OSTN: variants seen among roughly 807,000 people sequenced by gnomAD.
OSTN encodes the protein osteocrin.
A neutral mutation model predicts 12.0 loss-of-function variants in OSTN; 9 were observed. That is an observed-to-expected ratio of 0.75 (90% confidence interval 0.45 to 1.30). OSTN has a LOEUF of 1.30. Among genes scored for constraint, OSTN ranks in the 50% most tolerant of loss-of-function variants. The pLI, the probability that OSTN is intolerant of heterozygous loss-of-function variation, is 0.00. For missense variants in OSTN, 148 were observed against 152.3 expected, an observed-to-expected ratio of 0.97 and a Z score of 0.15; for synonymous variants, 59 against 56.9, an observed-to-expected ratio of 1.04 and a Z score of -0.16.
chr3:191,246,614 A>AAAAAAAG (rs1553822118), intron 3 of OSTN, among the ~76,000 whole-genome samples: 23 of 151,430 alleles, frequency 1.5e-4, no homozygotes, highest in Non-Finnish European at 1.3e-4. Context: ...CAAAAAAAAA[A>AAAAAAAG]AAAGAAAGAA....
At chr3:191,253,431 A>C (rs1254274645) in intron 4 of OSTN, among the ~76,000 whole-genome samples, 2 of 152,216 alleles carry the variant, frequency 1.3e-5, no homozygotes, top group African/African-American at 4.8e-5. Flanking sequence ...TACATACGAG[A>C]AAAGTCACAC....
At chr3:191,243,091 TAAAACCAC>T (rs1715357107) in intron 3 of OSTN, among the ~76,000 whole-genome samples, 1 of 152,042 alleles carries the variant, frequency 6.6e-6, no homozygotes, top group African/African-American at 2.4e-5. Context: ...GAAAGTAAAT[TAAAACCAC>T]AGTGGGATAT....
At chr3:191,225,133 C>T (rs1714876519) in intron 3 of OSTN, among the ~76,000 whole-genome samples, 1 of 151,906 alleles carries the variant, frequency 6.6e-6, no homozygotes. Context: ...GAAATGACAA[C>T]ATGGAAATAG....
intron 4 of OSTN, among the ~76,000 whole-genome samples, chr3:191,254,801 G>C (rs756665284): frequency 2.7e-4 from 41 of 152,114 alleles, no homozygotes; most frequent in Non-Finnish European, 5.1e-4. Flanking sequence ...GCCATACAAG[G>C]TCTTTTTAAA....
intron 1 of OSTN, among the ~76,000 whole-genome samples, chr3:191,199,686 A>C (rs1226039809): frequency 6.6e-6 from 1 of 152,114 alleles, no homozygotes; most frequent in Non-Finnish European, 1.5e-5. Flanking sequence ...GTAAAAAAGA[A>C]AGGTTTTTTC....
In OSTN at chr3:191,248,710, G is replaced by A. The variant is rs1399498174; in HGVS notation, c.318-1327G>A. ...ACCTTTAATCCCAGCAGTTCAGGAC[G>A]CCAAGATGAAGGATCGCTTGTGCTC... On this transcript the variant is annotated intron_variant, in intron 3 of 4. Coordinates refer to ENST00000682035, the MANE Select transcript of OSTN (RefSeq NM_198184.2). 1.5e-4 allele frequency among the ~76,000 whole-genome samples: 23 copies of A among 152,128 alleles called. 1 individual carries two copies. Among genetic ancestry groups the A allele is most frequent in the Admixed American group, 1.5e-3 (23 of 15,276 alleles).
chr3:191,200,583 A>G (rs141415830), intron 1 of OSTN, among the ~76,000 whole-genome samples: 1 of 152,212 alleles, frequency 6.6e-6, no homozygotes, highest in Admixed American at 6.5e-5. Context: ...TAATCCACCT[A>G]TACAACTGCA....
chr3:191,231,520 A>G (rs1715052707), intron 3 of OSTN, among the ~76,000 whole-genome samples: 1 of 152,130 alleles, frequency 6.6e-6, no homozygotes, highest in East Asian at 1.9e-4. Flanking sequence ...ATTTACTGCT[A>G]TTTTTTCAAA....
At chr3:191,221,179 T>A (rs551501011) in intron 3 of OSTN, among the ~76,000 whole-genome samples, 23 of 152,194 alleles carry the variant, frequency 1.5e-4, no homozygotes, top group Non-Finnish European at 2.8e-4. Flanking sequence ...GATTGTAAGT[T>A]TCCTAAGGTC....
chr3:191,263,982 C>T lies in OSTN; in HGVS notation c.*1129C>T, dbSNP rs1362467862. On this transcript the variant is annotated 3_prime_UTR_variant, in exon 5 of 5. Transcript: ENST00000682035. The stretch of plus-strand genomic sequence containing the variant: ...AACTTTCTATGGAACAGAGATTCAT[C>T]ATAAGTTACTTAGCAGAAGTTTATA... 1.3e-5 allele frequency: 2 copies of T among 152,086 alleles called. No homozygotes were observed. Among genetic ancestry groups the T allele is most frequent in the Non-Finnish European group, 2.9e-5 (2 of 67,964 alleles). 9.4% of individuals were successfully genotyped at this position (152,086 alleles called of 1,614,324 possible). A position where few individuals can be genotyped will look rare whatever the true frequency, so the allele number is the denominator to read the frequency against.
rs567569608 is a variant in OSTN at position 191,225,859 on chromosome 3, C to T, written c.317+6898C>T. Among the ~76,000 whole-genome samples, 185 of 152,136 alleles carry T rather than the reference C, an allele frequency of 1.2e-3. 1 individual carries two copies. The South Asian group carries it at 0.014, about 11-fold the overall frequency. On this transcript the variant is annotated intron_variant, in intron 3 of 4. Coordinates refer to ENST00000682035, the MANE Select transcript of OSTN (RefSeq NM_198184.2). ...GGAAGAGAGAGGAGTTGATAAACTA[C>T]CTACTGAGTATTATGTTCACTATAT...
chr3:191,208,911 A>C (rs1714348746), intron 1 of OSTN, among the ~76,000 whole-genome samples: 1 of 152,190 alleles, frequency 6.6e-6, no homozygotes, highest in African/African-American at 2.4e-5. Context: ...TAATCCCAGC[A>C]CTTTGGGAGT....
chr3:191,226,638 C>T (rs1714918544), intron 3 of OSTN, among the ~76,000 whole-genome samples: 1 of 152,120 alleles, frequency 6.6e-6, no homozygotes. Context: ...AGAGCCCTAC[C>T]AGATATTTAA....
intron 1 of OSTN, among the ~76,000 whole-genome samples, chr3:191,205,275 T>C (rs1714242581): frequency 6.6e-6 from 1 of 152,134 alleles, no homozygotes; most frequent in African/African-American, 2.4e-5. Flanking sequence ...CATTAGCCCA[T>C]TAAGGAGCAC....
intron 1 of OSTN, among the ~76,000 whole-genome samples, chr3:191,200,426 G>A (rs966562228): frequency 2.0e-5 from 3 of 152,132 alleles, no homozygotes; most frequent in Middle Eastern, 3.4e-3. Flanking sequence ...GACTGGGCAC[G>A]GGAACCTCAG....
chr3:191,255,819 T>C (rs1339147672), intron 4 of OSTN, among the ~76,000 whole-genome samples: 4 of 152,082 alleles, frequency 2.6e-5, no homozygotes, highest in Non-Finnish European at 5.9e-5. Flanking sequence ...CCAATGTAAT[T>C]AACTCTTCTT....
intron 3 of OSTN, among the ~76,000 whole-genome samples, chr3:191,244,279 G>A (rs185385434): frequency 1.7e-3 from 254 of 152,010 alleles, no homozygotes; most frequent in Non-Finnish European, 3.0e-3. Flanking sequence ...TTAGATTTTC[G>A]TGTGAAAATT....
At chr3:191,211,534 T>C (rs1014022073) in intron 1 of OSTN, among the ~76,000 whole-genome samples, 2 of 152,152 alleles carry the variant, frequency 1.3e-5, no homozygotes, top group Non-Finnish European at 2.9e-5. Flanking sequence ...GTGAAATAAA[T>C]GTGTCCTAGG....
chr3:191,199,787 T>C (rs1004298629), intron 1 of OSTN, among the ~76,000 whole-genome samples: 2 of 152,112 alleles, frequency 1.3e-5, no homozygotes, highest in Non-Finnish European at 2.9e-5. Context: ...ATGCATCTTC[T>C]GTTTTTCTCC....
Sources: allele counts gnomAD v4.1 joint callset (sites outside exome capture counted in the v4.1 genomes callset), GRCh38; gene constraint gnomAD v4.1.1; transcripts MANE v1.5; gene names NCBI Gene and HGNC (gene_info 2026-07-23, HGNC 2026-07-21).